Variants in RARB observed in about 807,000 individuals in gnomAD.
The protein encoded by RARB is retinoic acid receptor beta, also known as HBV-activated protein.
RARB carries 17 observed loss-of-function variants against 51.9 expected under a neutral mutation model. The observed-to-expected ratio is 0.33, with a 90% confidence interval of 0.22 to 0.49. The LOEUF (loss-of-function observed/expected upper bound fraction) is 0.49, where lower values mean the gene tolerates loss of function less well. Among genes scored for constraint, RARB ranks in the 20% least tolerant of loss-of-function variants. The pLI is 0.99. For missense variants in RARB, 369 were observed against 550.8 expected (o/e 0.67, Z 3.30); for synonymous variants, 215 against 195.4 (o/e 1.10, Z -0.84).
At chr3:25,026,420 A>AG (rs1283420530) in intron 2 of RARB, among the ~76,000 whole-genome samples, 1 of 152,130 alleles carries the variant, frequency 6.6e-6, no homozygotes, top group Non-Finnish European at 1.5e-5. Flanking sequence ...TGTCCTCTGA[A>AG]GCCCCTCTCT....
intron 5 of RARB, among the ~76,000 whole-genome samples, chr3:25,361,693 G>A (rs1409922920): frequency 1.3e-5 from 2 of 152,134 alleles, no homozygotes; most frequent in African/African-American, 2.4e-5. Flanking sequence ...TGATGTTGGT[G>A]CTATTGCTTT....
At chr3:25,461,047 C>T in intron 1 of RARB, 146 bp from the exon 2 acceptor site, 2 of 904,360 alleles carry the variant, frequency 2.2e-6, no homozygotes, top group Non-Finnish European at 3.2e-6. Flanking sequence ...ACTGCTGGGC[C>T]TACAATGACA....
At chr3:25,383,728 G>A (rs906374139) in intron 5 of RARB, among the ~76,000 whole-genome samples, 2 of 152,042 alleles carry the variant, frequency 1.3e-5, no homozygotes, top group African/African-American at 2.4e-5. Flanking sequence ...AGGAGTTCAC[G>A]ACCAGTCTGG....
At chr3:25,209,570 A>T (rs1408462395) in intron 5 of RARB, among the ~76,000 whole-genome samples, 4 of 152,168 alleles carry the variant, frequency 2.6e-5, no homozygotes, top group African/African-American at 9.7e-5. Flanking sequence ...AGACCCATGG[A>T]TACGTGGCTT....
chr3:25,017,229 A>G (rs1027913679), intron 2 of RARB, among the ~76,000 whole-genome samples: 2 of 141,620 alleles, frequency 1.4e-5, no homozygotes, highest in African/African-American at 5.5e-5. Context: ...CCCTTTCAGA[A>G]CCTAAACCCC....
chr3:25,188,335 A>G (rs1267381265), intron 5 of RARB, among the ~76,000 whole-genome samples: 1 of 152,152 alleles, frequency 6.6e-6, no homozygotes, highest in Non-Finnish European at 1.5e-5. Context: ...AAATGTGTTT[A>G]ATAATTATTT....
chr3:25,546,272 A>G (rs1168409943), intron 3 of RARB, among the ~76,000 whole-genome samples: 5 of 152,186 alleles, frequency 3.3e-5, no homozygotes, highest in Admixed American at 3.3e-4. Context: ...CTCTTACTTC[A>G]ATGGCATCAG....
At chr3:25,110,224 G>A (rs1198453181) in intron 3 of RARB, among the ~76,000 whole-genome samples, 2 of 152,314 alleles carry the variant, frequency 1.3e-5, no homozygotes, top group East Asian at 1.9e-4. Flanking sequence ...ACATGTCAAT[G>A]TGTCTTAGTT....
rs190306262 is a variant in RARB at position 25,504,860 on chromosome 3, C to A, written c.448+3537C>A. Among the ~76,000 whole-genome samples the A allele has an allele frequency of 5.4e-5, 8 of 148,604 alleles. No homozygotes were observed. The East Asian group carries it at 1.6e-3, about 30-fold the overall frequency. On this transcript the variant is annotated intron_variant, in intron 3 of 7. Transcript: ENST00000330688. ...GCAACCTCCACCTCCTGGGTTCAAGCGATACTCCTGCCTAAGCCTCCCAAG... is the reference window on the plus strand; with the variant it reads ...GCAACCTCCACCTCCTGGGTTCAAGAGATACTCCTGCCTAAGCCTCCCAAG...
At chr3:25,341,807 CA>C (rs1346711153) in intron 5 of RARB, among the ~76,000 whole-genome samples, 1 of 152,102 alleles carries the variant, frequency 6.6e-6, no homozygotes, top group Non-Finnish European at 1.5e-5. Context: ...CCCAAAATGT[CA>C]AAAGTGCTGA....
chr3:25,293,727 C>A (rs1259795374), intron 5 of RARB, among the ~76,000 whole-genome samples: 1 of 151,590 alleles, frequency 6.6e-6, no homozygotes, highest in Non-Finnish European at 1.5e-5. Flanking sequence ...ATGGAAATGT[C>A]TCAGGTTTAG....
intron 3 of RARB, among the ~76,000 whole-genome samples, chr3:25,127,051 C>T (rs1699871529): frequency 6.6e-6 from 1 of 152,144 alleles, no homozygotes; most frequent in African/African-American, 2.4e-5. Flanking sequence ...CCAGTCAGGT[C>T]CATCATCATC....
chr3:25,289,652 G>T (rs1250613311), intron 5 of RARB, among the ~76,000 whole-genome samples: 6 of 152,078 alleles, frequency 3.9e-5, no homozygotes, highest in African/African-American at 7.2e-5. Flanking sequence ...TTTCTTCCTC[G>T]TAGTTACTTA....
chr3:25,246,773 G>A (rs1429110732), intron 5 of RARB, among the ~76,000 whole-genome samples: 2 of 152,166 alleles, frequency 1.3e-5, no homozygotes, highest in East Asian at 1.9e-4. Flanking sequence ...GCTGGGAAGT[G>A]TCTCCCCATC....
intron 5 of RARB, among the ~76,000 whole-genome samples, chr3:25,190,345 A>G (rs1388612594): frequency 1.3e-5 from 2 of 152,086 alleles, no homozygotes; most frequent in Non-Finnish European, 2.9e-5. Context: ...AGTATGGTTC[A>G]TGTTTCCAAA....
At chr3:24,982,549 G>A (rs925680915) in intron 2 of RARB, among the ~76,000 whole-genome samples, 6 of 152,124 alleles carry the variant, frequency 3.9e-5, no homozygotes, top group Non-Finnish European at 5.9e-5. Context: ...TGGGAAGCTG[G>A]GTCCCTCCAT....
chr3:25,396,421 T>C (rs1707115687), intron 5 of RARB, among the ~76,000 whole-genome samples: 1 of 152,232 alleles, frequency 6.6e-6, no homozygotes, highest in Admixed American at 6.5e-5. Flanking sequence ...GTTGTTTTCT[T>C]TCTTCAAGTG....
chr3:24,853,517 A>G (rs1575036588), intron 1 of RARB, among the ~76,000 whole-genome samples: 1 of 152,180 alleles, frequency 6.6e-6, no homozygotes, highest in East Asian at 1.9e-4. Flanking sequence ...CAGAACAGCA[A>G]GCTTTACCCT....
chr3:25,409,638 G>GT (rs1319451483), intron 5 of RARB, among the ~76,000 whole-genome samples: 2 of 152,098 alleles, frequency 1.3e-5, no homozygotes, highest in African/African-American at 4.8e-5. Flanking sequence ...GCACCAAAGA[G>GT]GTATACAGAG....
Sources: allele counts gnomAD v4.1 joint callset (sites outside exome capture counted in the v4.1 genomes callset), GRCh38; gene constraint gnomAD v4.1.1; transcripts MANE v1.5; gene names NCBI Gene and HGNC (gene_info 2026-07-23, HGNC 2026-07-21).